CPNE3: variants seen among roughly 807,000 people sequenced by gnomAD.
CPNE3 encodes copine-3.
A neutral mutation model predicts 63.9 loss-of-function variants in CPNE3; 68 were observed. That is an observed-to-expected ratio of 1.06 (90% CI 0.87 to 1.30). CPNE3 has a LOEUF of 1.30. Ranked by LOEUF, CPNE3 falls within the 50% of genes most tolerant of loss-of-function variation. The pLI is 0.00. For synonymous variants in CPNE3, 219 were observed against 197.5 expected (o/e 1.11, Z -0.91); for missense variants, 665 against 578.1 (o/e 1.15, Z -1.54).
At chr8:86,534,227 G>T (rs1563691078) in intron 6 of CPNE3, among the ~76,000 whole-genome samples, 1 of 152,042 alleles carries the variant, frequency 6.6e-6, no homozygotes, top group Non-Finnish European at 1.5e-5. Flanking sequence ...CTAGAAGTAT[G>T]ATCTGCTGGC....
At chr8:86,533,826 G>A (rs897725412) in intron 6 of CPNE3, among the ~76,000 whole-genome samples, 3 of 152,092 alleles carry the variant, frequency 2.0e-5, no homozygotes, top group South Asian at 2.1e-4. Context: ...TGTGTCTTAC[G>A]TCCTTTTAAA....
rs138750532 is a variant in CPNE3, at chr8:86,525,753, G to A, written c.-10-2783G>A. Among the ~76,000 whole-genome samples, 489 of 152,244 alleles carry A rather than the reference G, an allele frequency of 3.2e-3. 1 individual carries two copies. The highest frequency in any genetic ancestry group is 0.011 in the African/African-American group (466 of 41,540). Reference sequence around the variant, plus strand: ...TCCTTGGAAATTTGAAGACTTTTCTGCTGGCTGGTAGAGAATCCTCTACAT... The same window carrying A: ...TCCTTGGAAATTTGAAGACTTTTCTACTGGCTGGTAGAGAATCCTCTACAT... On this transcript the variant is annotated intron_variant, in intron 2 of 16. Transcript: ENST00000517490.
chr8:86,543,753 T>G (rs1363032419), intron 8 of CPNE3, among the ~76,000 whole-genome samples: 1 of 152,152 alleles, frequency 6.6e-6, no homozygotes, highest in Non-Finnish European at 1.5e-5. Flanking sequence ...CAAGACTATT[T>G]AGAGAATGTG....
intron 2 of CPNE3, among the ~76,000 whole-genome samples, chr8:86,525,966 C>T (rs1820532775): frequency 6.6e-6 from 1 of 152,160 alleles, no homozygotes; most frequent in East Asian, 1.9e-4. Context: ...ATGCCTGGCA[C>T]GTGCCAGATT....
rs1821318903 is a variant in CPNE3, at chr8:86,556,120, A to G, written c.1273A>G (p.Ile425Val). 6 of 872,954 alleles carry G rather than the reference A, an allele frequency of 6.9e-6. No homozygotes were observed. Among genetic ancestry groups the G allele is most frequent in the Non-Finnish European group, 1.2e-5 (6 of 501,660 alleles). 54.1% of individuals were successfully genotyped at this position (872,954 alleles called of 1,614,324 possible). A position where few individuals can be genotyped will look rare whatever the true frequency, so the allele number is the denominator to read the frequency against. Residue 425 changes from isoleucine (I) to valine (V), a missense_variant, in exon 16 of 17, where the codon ATT (isoleucine) becomes GTT (valine). Transcript: ENST00000517490. Reference sequence around the variant, plus strand: ...CTGGCAGCAATATTTTGTGCTTTTGATTATTACTGATGGTGTGATCACAGA... The same window carrying G: ...CTGGCAGCAATATTTTGTGCTTTTGGTTATTACTGATGGTGTGATCACAGA... ...QTASQYFVLL[I>V]ITDGVITDLD...
At chr8:86,538,255 G>A (rs1820849980) in intron 7 of CPNE3, among the ~76,000 whole-genome samples, 1 of 152,068 alleles carries the variant, frequency 6.6e-6, no homozygotes. Context: ...CTTGCCTGCA[G>A]TCCCAGCTAC....
At chr8:86,548,055 C>T (rs1821093366) in intron 11 of CPNE3, among the ~76,000 whole-genome samples, 1 of 152,182 alleles carries the variant, frequency 6.6e-6, no homozygotes, top group Non-Finnish European at 1.5e-5. Context: ...TTATAAAAGA[C>T]AACCCTTAAG....
intron 6 of CPNE3, among the ~76,000 whole-genome samples, chr8:86,536,836 A>C (rs774263251): frequency 6.6e-6 from 1 of 152,152 alleles, no homozygotes; most frequent in Non-Finnish European, 1.5e-5. Context: ...CCTGAATTTT[A>C]TCTCTCTGTA....
At chr8:86,525,422 T>A (rs1820520874) in intron 2 of CPNE3, among the ~76,000 whole-genome samples, 2 of 152,274 alleles carry the variant, frequency 1.3e-5, no homozygotes, top group Middle Eastern at 6.8e-3. Context: ...CAGACCCTAG[T>A]GTTTATGTAA....
At position 86,544,763 on chromosome 8, in the gene CPNE3, T is replaced by A. The variant is rs535274135; in HGVS notation, c.657T>A (p.Asn219Lys). ...TIKVECYDYD[N>K]DGSHDLIGTF... The stretch of plus-strand genomic sequence containing the variant: ...AGGTGGAGTGTTATGATTATGACAA[T>A]GATGGGTCACATGATCTCATTGGAA... Residue 219 changes from asparagine to lysine, a missense_variant, in exon 9 of 17, where the codon AAT becomes AAA. Transcript: ENST00000517490. The A allele has an allele frequency of 6.4e-7, 1 of 1,551,040 alleles. No individual in the cohort carries two copies. Among genetic ancestry groups the A allele is most frequent in the African/African-American group, 1.4e-5 (1 of 72,200 alleles).
chr8:86,522,548 C>CTTTTTTTTTT lies in CPNE3; in HGVS notation c.-10-5968_-10-5959dup, dbSNP rs36073581. Among the ~76,000 whole-genome samples the CTTTTTTTTTT allele has an allele frequency of 1.5e-3, 127 of 82,174 alleles. 16 individuals carry two copies. Among genetic ancestry groups the CTTTTTTTTTT allele is most frequent in the Non-Finnish European group, 2.4e-3 (111 of 46,550 alleles). The allele number at this position is 82,174 out of a possible 152,430, so 53.9% of individuals were successfully genotyped here. A position where few individuals can be genotyped will look rare whatever the true frequency, so the allele number is the denominator to read the frequency against. On this transcript the variant is annotated intron_variant, in intron 2 of 16. Coordinates refer to ENST00000517490, the MANE Select transcript of CPNE3 (RefSeq NM_003909.5). The stretch of plus-strand genomic sequence containing the variant: ...CAGCCATATTACCTGACGCCCGCTG[C>CTTTTTTTTTT]TTTTTTTTTTTTTTTTTTTTTTTTT...
intron 9 of CPNE3, chr8:86,545,130 G>A (rs1171273625): frequency 5.3e-6 from 1 of 189,496 alleles, no homozygotes; most frequent in Admixed American, 6.1e-5. Context: ...CAATCCTTTT[G>A]CCTATTGTAT....
Position 86,554,879 on chromosome 8 carries a change from G to A in CPNE3, c.1149G>A (p.Arg383=). 1 of 1,614,092 alleles carries A rather than the reference G, an allele frequency of 6.2e-7. No individual in the cohort carries two copies. The highest frequency in any genetic ancestry group is 8.5e-7 in the Non-Finnish European group (1 of 1,180,010). ...NGIQGIVEAY[R]SCLPQIKLYG... ...TCCAAGGCATTGTAGAGGCGTATCGGTCTTGTCTTCCTCAGATAAAACTCT... is the reference window on the plus strand; with the variant it reads ...TCCAAGGCATTGTAGAGGCGTATCGATCTTGTCTTCCTCAGATAAAACTCT... The change falls in exon 15 of 17, where the codon CGG becomes CGA. Residue 383 remains arginine, a synonymous_variant. Transcript: ENST00000517490.
At chr8:86,520,491 G>T (rs985557741) in intron 2 of CPNE3, among the ~76,000 whole-genome samples, 27 of 151,284 alleles carry the variant, frequency 1.8e-4, no homozygotes, top group Admixed American at 6.6e-5. Flanking sequence ...GGAGGCGGAG[G>T]TTGCAAGTGA....
rs1370566067 is a variant in CPNE3 at position 86,537,602 on chromosome 8, A to G, written c.499A>G (p.Lys167Glu). The change falls in exon 7 of 17, where the codon AAG (lysine) becomes GAG (glutamate). Residue 167 changes from lysine (K) to glutamate (E), a missense_variant. By Grantham distance (56) the Lys-to-Glu change is moderately conservative. Coordinates refer to ENST00000517490, the MANE Select transcript of CPNE3 (RefSeq NM_003909.5). ...GKSDPYLEFH[K>E]QTSDGNWLMV... is the part of the protein sequence containing the mutation. ...GTCAGACCCATACCTGGAATTCCAC[A>G]AGCAGACATCTGATGGAAACTGGCT... The G allele has an allele frequency of 6.2e-7, 1 of 1,611,386 alleles. No individual in the cohort carries two copies. Among genetic ancestry groups the G allele is most frequent in the Non-Finnish European group, 8.5e-7 (1 of 1,177,576 alleles).
intron 2 of CPNE3, among the ~76,000 whole-genome samples, chr8:86,521,072 G>A (rs543959445): frequency 1.1e-4 from 16 of 152,186 alleles, no homozygotes; most frequent in East Asian, 3.9e-4. Flanking sequence ...CAGAACAAGC[G>A]TAGTTTAAAT....
At chr8:86,552,755 T>C (rs1361185733) in intron 14 of CPNE3, among the ~76,000 whole-genome samples, 1 of 151,344 alleles carries the variant, frequency 6.6e-6, no homozygotes, top group Non-Finnish European at 1.5e-5. Context: ...CTTTGATGCA[T>C]AGAAAGGGTT....
At chr8:86,524,418 T>C (rs973569099) in intron 2 of CPNE3, among the ~76,000 whole-genome samples, 1 of 152,138 alleles carries the variant, frequency 6.6e-6, no homozygotes. Flanking sequence ...ATTATTGATA[T>C]ATTTGGTGTT....
rs1397164621 is a variant in CPNE3, at chr8:86,548,329, G to T, written c.908G>T (p.Gly303Val). 1 of 1,613,954 alleles carries T rather than the reference G, an allele frequency of 6.2e-7. No homozygotes were observed. Among genetic ancestry groups the T allele is most frequent in the African/African-American group, 1.3e-5 (1 of 74,890 alleles). The change falls in exon 12 of 17, where the codon GGT becomes GTT. Residue 303 changes from glycine (G) to valine (V), a missense_variant. Gly to Val is a moderately radical substitution (Grantham distance 109, BLOSUM62 -3). Coordinates refer to ENST00000517490, the MANE Select transcript of CPNE3 (RefSeq NM_003909.5). ...TVGVDFTGSN[G>V]DPRSPDSLHY... is the part of the protein sequence containing the mutation. The stretch of plus-strand genomic sequence containing the variant: ...GGAGTGGACTTCACTGGCTCCAATG[G>T]TGACCCAAGGTCTCCAGACTCCCTT...
Sources: gnomAD v4.1 joint callset for allele counts (sites outside exome capture counted in the v4.1 genomes callset) on GRCh38, gnomAD v4.1.1 for gene constraint, MANE v1.5 for transcripts, NCBI Gene and HGNC (gene_info 2026-07-23, HGNC 2026-07-21) for gene names.